KHDRBS3: variants seen among roughly 807,000 people sequenced by gnomAD.
The protein encoded by KHDRBS3 is KH RNA binding domain containing, signal transduction associated 3.
KHDRBS3 carries 23 observed loss-of-function variants against 45.6 expected under a neutral mutation model. That is an observed-to-expected ratio of 0.50 (90% confidence interval 0.36 to 0.72). The LOEUF (loss-of-function observed/expected upper bound fraction) is 0.72, where lower values mean the gene tolerates loss of function less well. Ranked by LOEUF, KHDRBS3 falls within the 30% of genes least tolerant of loss-of-function variation. The pLI, the probability that KHDRBS3 is intolerant of heterozygous loss-of-function variation, is 0.00. For missense variants in KHDRBS3, 352 were observed against 424.8 expected, an observed-to-expected ratio of 0.83 and a Z score of 1.51; for synonymous variants, 162 against 156.5, an observed-to-expected ratio of 1.04 and a Z score of -0.26.
At chr8:135,544,317 G>A (rs1408066963) in intron 3 of KHDRBS3, among the ~76,000 whole-genome samples, 1 of 152,128 alleles carries the variant, frequency 6.6e-6, no homozygotes, top group African/African-American at 2.4e-5. Flanking sequence ...GAATTTTACA[G>A]GTAGAAGGGA....
At chr8:135,462,327 C>A (rs1754482381) in intron 1 of KHDRBS3, among the ~76,000 whole-genome samples, 1 of 150,944 alleles carries the variant, frequency 6.6e-6, no homozygotes, top group Non-Finnish European at 1.5e-5. Flanking sequence ...TTAAAAGTGA[C>A]CCAGTGATTG....
intron 7 of KHDRBS3, among the ~76,000 whole-genome samples, chr8:135,624,986 C>G (rs546888810): frequency 5.9e-5 from 9 of 152,274 alleles, no homozygotes; most frequent in East Asian, 3.9e-4. Flanking sequence ...TAATACTGCT[C>G]TGCTACAAGG....
At chr8:135,486,103 C>T (rs532827009) in intron 1 of KHDRBS3, among the ~76,000 whole-genome samples, 97 of 152,080 alleles carry the variant, frequency 6.4e-4, no homozygotes, top group Non-Finnish European at 1.2e-3. Flanking sequence ...CTCCTGGACT[C>T]ATCCTCTTCA....
At chr8:135,595,724 G>A (rs1828943432) in intron 6 of KHDRBS3, among the ~76,000 whole-genome samples, 1 of 152,114 alleles carries the variant, frequency 6.6e-6, no homozygotes, top group Non-Finnish European at 1.5e-5. Flanking sequence ...ATTCCAAGAG[G>A]GGCTGTTGTT....
chr8:135,571,742 G>A (rs1449879901), intron 5 of KHDRBS3, among the ~76,000 whole-genome samples: 2 of 152,106 alleles, frequency 1.3e-5, no homozygotes, highest in Admixed American at 1.3e-4. Context: ...GGGGATTAGA[G>A]TTGGGGGAAC....
intron 1 of KHDRBS3, among the ~76,000 whole-genome samples, chr8:135,494,270 C>CTTTT (rs1156554377): frequency 2.6e-4 from 31 of 118,736 alleles, no homozygotes; most frequent in African/African-American, 1.0e-3. Context: ...TTCTGTTTCT[C>CTTTT]TTATTTTTTT....
At chr8:135,550,381 A>T (rs564954930) in intron 4 of KHDRBS3, among the ~76,000 whole-genome samples, 31 of 152,280 alleles carry the variant, frequency 2.0e-4, no homozygotes, top group African/African-American at 7.5e-4. Flanking sequence ...TCTTTCACTT[A>T]AAATACATTT....
At chr8:135,630,927 T>C (rs1247474719) in intron 7 of KHDRBS3, among the ~76,000 whole-genome samples, 3 of 152,144 alleles carry the variant, frequency 2.0e-5, no homozygotes, top group African/African-American at 7.2e-5. Context: ...ATAGACATTG[T>C]ATGCATAGGC....
chr8:135,639,124 T>C (rs1012060102), intron 7 of KHDRBS3, among the ~76,000 whole-genome samples: 16 of 152,308 alleles, frequency 1.1e-4, no homozygotes, highest in African/African-American at 3.8e-4. Context: ...TGGATGAGCA[T>C]TGACCATTGA....
At chr8:135,536,763 A>G (rs368182743) in intron 2 of KHDRBS3, among the ~76,000 whole-genome samples, 6 of 150,818 alleles carry the variant, frequency 4.0e-5, no homozygotes, top group African/African-American at 1.2e-4. Context: ...GATCGAGACC[A>G]TCCTGGCTAA....
At chr8:135,641,243 C>T (rs1212732567) in intron 7 of KHDRBS3, among the ~76,000 whole-genome samples, 1 of 152,196 alleles carries the variant, frequency 6.6e-6, no homozygotes, top group East Asian at 1.9e-4. Context: ...ATGTTCATCA[C>T]TGCTCCCTTC....
At chr8:135,641,880 C>T (rs1220239785) in intron 7 of KHDRBS3, among the ~76,000 whole-genome samples, 4 of 152,140 alleles carry the variant, frequency 2.6e-5, no homozygotes, top group African/African-American at 4.8e-5. Context: ...GCAGGAAAGC[C>T]GTGTTTTTTC....
chr8:135,541,824 C>CT (rs1265312905), intron 2 of KHDRBS3: 1 of 152,100 alleles, frequency 6.6e-6, no homozygotes, highest in Non-Finnish European at 1.5e-5. Context: ...TATTGAGTGT[C>CT]TGTTATCTGG....
Position 135,457,997 on chromosome 8 carries a change from G to C in KHDRBS3, c.88+43G>C. On this transcript the variant is annotated intron_variant, in intron 1 of 8. Coordinates refer to ENST00000355849, the MANE Select transcript of KHDRBS3 (RefSeq NM_006558.3). This position sits in a 1 kb window ranked among gnomAD's most constrained non-coding sequence, Gnocchi z 4.4. ...AACTGCCGGCCGGCGGCGGTTGGGG[G>C]CCGGGTGGAAACGCGGGGGCCCAGG... 6.5e-7 allele frequency: 1 copy of C among 1,540,582 alleles called. No homozygotes were observed. The highest frequency in any genetic ancestry group is 8.7e-7 in the Non-Finnish European group (1 of 1,145,664).
At chr8:135,496,226 A>C (rs761015298) in intron 1 of KHDRBS3, among the ~76,000 whole-genome samples, 4 of 151,402 alleles carry the variant, frequency 2.6e-5, no homozygotes, top group Non-Finnish European at 5.9e-5. Context: ...GTGACGAAGA[A>C]AACTCTTCAG....
intron 1 of KHDRBS3, among the ~76,000 whole-genome samples, chr8:135,514,587 G>A (rs1358699159): frequency 1.3e-5 from 2 of 152,236 alleles, no homozygotes; most frequent in Non-Finnish European, 2.9e-5. Flanking sequence ...AGTTTAATGT[G>A]CATAGGGTTT....
chr8:135,528,029 A>G (rs543290029), intron 2 of KHDRBS3, among the ~76,000 whole-genome samples: 1 of 152,320 alleles, frequency 6.6e-6, no homozygotes, highest in Admixed American at 6.5e-5. Flanking sequence ...CTCAAGGTTT[A>G]GTGTGCTATG....
rs959417521 is a variant in KHDRBS3 at position 135,656,305 on chromosome 8, A to G, written c.*197A>G. ...TAGTCAGCAAATGAATCCACTTGGG[A>G]ACTTGAAAAACATCTTAATTAATTT... is the stretch of plus-strand genomic sequence containing the variant. On this transcript the variant is annotated 3_prime_UTR_variant and NMD_transcript_variant, in exon 5 of 5. Coordinates refer to the KHDRBS3 transcript ENST00000521461. The G allele has an allele frequency of 2.0e-5, 3 of 152,210 alleles. No homozygotes were observed. The East Asian group carries it at 5.8e-4, about 29-fold the overall frequency. 9.4% of individuals were successfully genotyped at this position (152,210 alleles called of 1,614,324 possible).
intron 5 of KHDRBS3, among the ~76,000 whole-genome samples, chr8:135,580,587 C>T (rs1352989259): frequency 1.4e-5 from 2 of 146,912 alleles, no homozygotes. Flanking sequence ...ATGAAATCCT[C>T]TTCCTCTCTC....
Sources: gnomAD v4.1 joint callset for allele counts (sites outside exome capture counted in the v4.1 genomes callset) on GRCh38, gnomAD v4.1.1 for gene constraint, Gnocchi (gnomAD v3.1) non-coding constraint, MANE v1.5 for transcripts, NCBI Gene and HGNC (gene_info 2026-07-23, HGNC 2026-07-21) for gene names.